The following RUBCNL variants were observed in gnomAD, a reference collection of about 807,000 sequenced individuals.
RUBCNL encodes the protein rubicon like autophagy enhancer.
A neutral mutation model predicts 69.5 loss-of-function variants in RUBCNL; 62 were observed. That is an observed-to-expected ratio of 0.89 (90% CI 0.73 to 1.10). The LOEUF is 1.10. RUBCNL is among the 50% of genes least tolerant of loss of function. The pLI, the probability that RUBCNL is intolerant of heterozygous loss-of-function variation, is 0.00. For missense variants in RUBCNL, 768 were observed against 798.1 expected, an observed-to-expected ratio of 0.96 and a Z score of 0.45; for synonymous variants, 291 against 303.6, an observed-to-expected ratio of 0.96 and a Z score of 0.43.
Position 46,363,121 on chromosome 13 carries a change from T to C in RUBCNL, c.919A>G (p.Ile307Val). 1 of 1,594,558 alleles carries C rather than the reference T, an allele frequency of 6.3e-7. No homozygotes were observed. Among genetic ancestry groups the C allele is most frequent in the South Asian group, 1.1e-5 (1 of 88,936 alleles). ...ICKCDVDEFV[I>V]LELGDFNDIT... ...AACAGTTTCCAAATCTTACCTAAAA[T>C]AACAAATTCATCAACATCGCATTTG... Residue 307 changes from isoleucine (I) to valine (V), a missense_variant, in exon 6 of 15, where the codon ATT (isoleucine) becomes GTT (valine). Transcript: ENST00000429979.
intron 10 of RUBCNL, among the ~76,000 whole-genome samples, chr13:46,351,571 A>T (rs9526170): frequency 0.27 from 41,260 of 152,034 alleles, 5,946 homozygotes; most frequent in Middle Eastern, 0.31. Context: ...GTGGCAGCCA[A>T]AATGTCCATC....
At position 46,336,252 on chromosome 13, in the gene RUBCNL, A is replaced by G. The variant is rs1185799576; in HGVS notation, c.*7133T>C. ...CCAGGAGCTTTGGGTACCAGGCAGCACCTCCATCATCAGACTCTACGAAGA... is the reference window on the plus strand; with the variant it reads ...CCAGGAGCTTTGGGTACCAGGCAGCGCCTCCATCATCAGACTCTACGAAGA... On this transcript the variant is annotated 3_prime_UTR_variant, in exon 15 of 15. Coordinates refer to ENST00000429979, the MANE Select transcript of RUBCNL (RefSeq NM_025113.5). Among the ~76,000 whole-genome samples the G allele has an allele frequency of 6.6e-6, 1 of 152,078 alleles. No individual in the cohort carries two copies. Among genetic ancestry groups the G allele is most frequent in the Non-Finnish European group, 1.5e-5 (1 of 68,008 alleles).
chr13:46,357,018 C>G (rs796858794), intron 9 of RUBCNL, among the ~76,000 whole-genome samples: 1 of 149,442 alleles, frequency 6.7e-6, no homozygotes, highest in Non-Finnish European at 1.5e-5. Context: ...CATGAGCCGC[C>G]GTGCCCAGCC....
At position 46,343,227 on chromosome 13, in the gene RUBCNL, T is replaced by C; in HGVS notation, c.*158A>G. 1.7e-6 allele frequency: 2 copies of C among 1,162,802 alleles called. No individual in the cohort carries two copies. Among genetic ancestry groups the C allele is most frequent in the Non-Finnish European group, 2.4e-6 (2 of 838,454 alleles). The allele number at this position is 1,162,802 out of a possible 1,614,324, so 72.0% of individuals were successfully genotyped here. ...CTGTGCTTAAACACAGAATCTGCAT[T>C]CTTTTGAAACATTAAGTATATGCAA... On this transcript the variant is annotated 3_prime_UTR_variant, in exon 15 of 15. Transcript: ENST00000429979.
At chr13:46,354,596 A>G (rs560180043) in intron 10 of RUBCNL, among the ~76,000 whole-genome samples, 1 of 152,226 alleles carries the variant, frequency 6.6e-6, no homozygotes, top group Admixed American at 6.5e-5. Context: ...TTTACTTGCC[A>G]CAGGCCCTTT....
chr13:46,350,452 G>A, intron 10 of RUBCNL, 101 bp from the exon 11 acceptor site: 1 of 830,624 alleles, frequency 1.2e-6, no homozygotes, highest in Admixed American at 2.4e-5. Flanking sequence ...AGACTCTGAT[G>A]ACTTGTTTCA....
intron 2 of RUBCNL, 48 bp downstream of exon 2, chr13:46,377,842 A>G (rs760672855): frequency 5.5e-6 from 6 of 1,087,982 alleles, no homozygotes; most frequent in African/African-American, 1.6e-5. Context: ...CTAAGGTCAC[A>G]GCTGGGCAGT....
chr13:46,369,960 G>A (rs937019403), intron 3 of RUBCNL, among the ~76,000 whole-genome samples: 1 of 152,226 alleles, frequency 6.6e-6, no homozygotes, highest in Admixed American at 6.5e-5. Context: ...GGTATATATT[G>A]GAGGATCTGA....
rs146906391 is a variant in RUBCNL, at chr13:46,350,186, T to C, written c.1496A>G (p.His499Arg). ...FSKQLLDSIW[H>R]QPIFNLLSIG... ...GCTCAGCAAATTGAAAATGGGCTGG[T>C]GCCATATGCTGTCGAGCAGCTGTTT... Residue 499 changes from histidine (H) to arginine (R), a missense_variant, in exon 11 of 15, where the codon CAC (histidine) becomes CGC (arginine). His to Arg is a conservative substitution (Grantham distance 29). Transcript: ENST00000429979. 593 of 1,589,840 alleles carry C rather than the reference T, an allele frequency of 3.7e-4. 3 individuals are homozygous for C. The Middle Eastern group carries it at 4.0e-3, about 11-fold the overall frequency.
chr13:46,368,680 A>G (rs1485951156), intron 4 of RUBCNL, 53 bp downstream of exon 4: 1 of 1,481,136 alleles, frequency 6.8e-7, no homozygotes, highest in Non-Finnish European at 9.3e-7. Context: ...TCAGAACAAC[A>G]CTATCTAAAG....
chr13:46,366,533 A>G (rs1215425022), intron 5 of RUBCNL, among the ~76,000 whole-genome samples: 3 of 152,218 alleles, frequency 2.0e-5, no homozygotes, highest in African/African-American at 7.2e-5. Flanking sequence ...AATGTTCTAT[A>G]TCTTAAGACA....
chr13:46,345,847 T>C (rs939129040), intron 12 of RUBCNL, among the ~76,000 whole-genome samples: 21 of 152,216 alleles, frequency 1.4e-4, no homozygotes, highest in African/African-American at 5.1e-4. Flanking sequence ...AGCAGAGACC[T>C]GTATCTCTTA....
At chr13:46,355,728 GA>G (rs2048470059) in intron 10 of RUBCNL, among the ~76,000 whole-genome samples, 1 of 152,186 alleles carries the variant, frequency 6.6e-6, no homozygotes, top group South Asian at 2.1e-4. Context: ...ATCTTTTGAA[GA>G]CCTACTATGT....
intron 8 of RUBCNL, among the ~76,000 whole-genome samples, chr13:46,359,878 T>C (rs2048573928): frequency 6.6e-6 from 1 of 152,162 alleles, no homozygotes; most frequent in South Asian, 2.1e-4. Flanking sequence ...TTTCCAGACT[T>C]CAAATTTACT....
In RUBCNL at chr13:46,363,125, AAATTCAT is replaced by A; in HGVS notation, c.908_914del (p.Asp303ValfsTer4). The A allele has an allele frequency of 2.5e-6, 4 of 1,596,936 alleles. No homozygotes were observed. The highest frequency in any genetic ancestry group is 3.4e-6 in the Non-Finnish European group (4 of 1,171,400). ...GTTTCCAAATCTTACCTAAAATAACAAATTCATCAACATCGCATTTGCAAATCTCTTT... is the reference window on the plus strand; with the variant it reads ...GTTTCCAAATCTTACCTAAAATAACACAACATCGCATTTGCAAATCTCTTT... On this transcript the variant is annotated frameshift_variant, in exon 6 of 15. Coordinates refer to ENST00000429979, the MANE Select transcript of RUBCNL (RefSeq NM_025113.5). LOFTEE classifies it high-confidence loss of function.
intron 11 of RUBCNL, among the ~76,000 whole-genome samples, chr13:46,349,678 ATT>A (rs775859134): frequency 2.3e-4 from 32 of 141,792 alleles, no homozygotes; most frequent in African/African-American, 2.8e-4. Flanking sequence ...AGCTTCACTA[ATT>A]TTTTTTTTTT....
chr13:46,362,955 T>G (rs1377845079), intron 6 of RUBCNL, among the ~76,000 whole-genome samples, 160 bp downstream of exon 6: 9 of 69,502 alleles, frequency 1.3e-4, no homozygotes. Context: ...TATATATATA[T>G]ATATATATAT....
At chr13:46,375,262 G>A (rs963052182) in intron 2 of RUBCNL, among the ~76,000 whole-genome samples, 1 of 152,214 alleles carries the variant, frequency 6.6e-6, no homozygotes, top group Non-Finnish European at 1.5e-5. Context: ...ACCGGGCGCA[G>A]TGGCTCATGC....
At chr13:46,361,346 C>T in intron 8 of RUBCNL, 95 bp downstream of exon 8, 1 of 1,330,124 alleles carries the variant, frequency 7.5e-7, no homozygotes, top group Non-Finnish European at 1.0e-6. Flanking sequence ...TATCCAGTGA[C>T]CATACAAGGA....
Sources: allele counts gnomAD v4.1 joint callset (sites outside exome capture counted in the v4.1 genomes callset), GRCh38; gene constraint gnomAD v4.1.1; transcripts MANE v1.5; gene names NCBI Gene and HGNC (gene_info 2026-07-23, HGNC 2026-07-21).